CEP41: variants seen among roughly 807,000 people sequenced by gnomAD.
The protein encoded by CEP41 is centrosomal protein 41, also known as centrosomal protein of 41 kDa.
CEP41 carries 32 observed loss-of-function variants against 44.3 expected under a neutral mutation model. The observed-to-expected ratio is 0.72, with a 90% CI of 0.54 to 0.97. The LOEUF is 0.97. Ranked by LOEUF, CEP41 falls within the 50% of genes least tolerant of loss-of-function variation. The pLI is 0.00. For missense variants in CEP41, 432 were observed against 455.2 expected, an observed-to-expected ratio of 0.95 and a Z score of 0.46; for synonymous variants, 151 against 168.5, an observed-to-expected ratio of 0.90 and a Z score of 0.80.
intron 5 of CEP41, among the ~76,000 whole-genome samples, chr7:130,409,142 G>C (rs892231677): frequency 1.3e-5 from 2 of 152,162 alleles, no homozygotes; most frequent in African/African-American, 2.4e-5. Context: ...CATTATAAAA[G>C]GAGATTTTTA....
intron 3 of CEP41, among the ~76,000 whole-genome samples, chr7:130,415,674 A>G (rs1211716028): frequency 1.3e-5 from 2 of 152,228 alleles, no homozygotes; most frequent in Non-Finnish European, 2.9e-5. Flanking sequence ...TAGTGAGGAC[A>G]TGTGAACTCA....
intron 1 of CEP41, among the ~76,000 whole-genome samples, chr7:130,432,113 T>C (rs1042433023): frequency 5.3e-5 from 8 of 151,944 alleles, no homozygotes; most frequent in African/African-American, 4.8e-5. Flanking sequence ...CTGAAGAAGT[T>C]TGAAGGAGGA....
chr7:130,403,745 A>C (rs2117570094), intron 6 of CEP41, among the ~76,000 whole-genome samples: 1 of 152,344 alleles, frequency 6.6e-6, no homozygotes, highest in Admixed American at 6.5e-5. Context: ...TGTTGAACCA[A>C]AGGAGAAGAA....
At chr7:130,417,230 T>A in intron 2 of CEP41, 2 of 1,270,760 alleles carry the variant, frequency 1.6e-6, no homozygotes, top group Non-Finnish European at 2.0e-6. Context: ...TTCCAGGAGA[T>A]ACAGATGATC....
In CEP41 at chr7:130,427,374, G is replaced by A. The variant is rs576971214; in HGVS notation, c.97+581C>T. On this transcript the variant is annotated intron_variant, in intron 2 of 10. Transcript: ENST00000223208. ...CAACACTGAAAAATGGGAACAGCGT[G>A]GAAATAAGCAGTTCATTTTACCTGC... Among the ~76,000 whole-genome samples, 65 of 152,202 alleles carry A rather than the reference G, an allele frequency of 4.3e-4. 3 individuals carry two copies. The South Asian group carries it at 0.013, about 30-fold the overall frequency.
chr7:130,419,977 G>A (rs1797454028), intron 2 of CEP41: 1 of 985,054 alleles, frequency 1.0e-6, no homozygotes. Flanking sequence ...ACACACGTAT[G>A]AATAATCTTT....
chr7:130,412,256 A>C lies in CEP41; in HGVS notation c.146-16T>G. 1 of 1,288,062 alleles carries C rather than the reference A, an allele frequency of 7.8e-7. No homozygotes were observed. The highest frequency in any genetic ancestry group is 1.1e-6 in the Non-Finnish European group (1 of 883,184). The allele number at this position is 1,288,062 out of a possible 1,614,324, so 79.8% of individuals were successfully genotyped here. On this transcript the variant is annotated splice_polypyrimidine_tract_variant and intron_variant, in intron 3 of 10. Transcript: ENST00000223208. ...TATCTATAATCTGAAAAATATGGTA[A>C]GACAAGTATTTATCTATTTTGCTTT...
intron 3 of CEP41, among the ~76,000 whole-genome samples, chr7:130,413,211 G>T (rs1370445570): frequency 6.6e-6 from 1 of 151,926 alleles, no homozygotes; most frequent in African/African-American, 2.4e-5. Flanking sequence ...GGCTGGTTTC[G>T]AGCTCCTGGC....
intron 3 of CEP41, among the ~76,000 whole-genome samples, chr7:130,414,177 A>C (rs999542339): frequency 6.6e-6 from 1 of 152,240 alleles, no homozygotes; most frequent in Non-Finnish European, 1.5e-5. Context: ...CTGTTCTAAA[A>C]TGTCTTAAAG....
In CEP41 at chr7:130,402,772, A is replaced by T; in HGVS notation, c.450T>A (p.Asp150Glu). The T allele has an allele frequency of 6.2e-7, 1 of 1,614,138 alleles. No homozygotes were observed. The highest frequency in any genetic ancestry group is 1.1e-5 in the South Asian group (1 of 91,074). Residue 150 changes from aspartate to glutamate, a missense_variant, in exon 7 of 11, where the codon GAT (aspartate) becomes GAA (glutamate). Asp to Glu is a conservative substitution (Grantham distance 45). Coordinates refer to ENST00000223208, the MANE Select transcript of CEP41 (RefSeq NM_018718.3). ...CTTTCTTCACTGGCCCTTTGTCTAG[A>T]TCCAGTTCCCCAACACCACTGATGA... is the stretch of plus-strand genomic sequence containing the variant. ...QSVISGVGEL[D>E]LDKGPVKKAE...
chr7:130,416,631 T>C (rs1450916162), intron 3 of CEP41, among the ~76,000 whole-genome samples: 1 of 152,146 alleles, frequency 6.6e-6, no homozygotes, highest in Non-Finnish European at 1.5e-5. Context: ...ACAATGACAC[T>C]AGAAGCTTAA....
At chr7:130,400,327 G>T (rs781860441) in intron 9 of CEP41, 73 bp from the exon 10 acceptor site, 5 of 1,010,526 alleles carry the variant, frequency 4.9e-6, no homozygotes, top group Middle Eastern at 2.6e-4. Context: ...AAAGAAGCCT[G>T]CATGTCTTCT....
Position 130,420,843 on chromosome 7 carries a change from A to T in CEP41, c.98-3877T>A, listed in dbSNP as rs117885717. 2.1e-4 allele frequency: 173 copies of T among 833,086 alleles called. 1 individual carries two copies. In the East Asian group the frequency reaches 0.019, roughly 92 times the overall value. The allele number at this position is 833,086 out of a possible 1,614,324, so 51.6% of individuals were successfully genotyped here. A position where few individuals can be genotyped will look rare whatever the true frequency, so the allele number is the denominator to read the frequency against. ...TGAAATTTACTATGGAGATCTACTA[A>T]CTGAAAAATCCTTATAATGAGTTAT... On this transcript the variant is annotated intron_variant, in intron 2 of 10. Transcript: ENST00000223208.
intron 1 of CEP41, among the ~76,000 whole-genome samples, chr7:130,432,560 T>C (rs1279909730): frequency 8.3e-6 from 1 of 120,888 alleles, no homozygotes; most frequent in Non-Finnish European, 1.6e-5. Context: ...AAGACCAGCC[T>C]GGGCAACACA....
intron 1 of CEP41, among the ~76,000 whole-genome samples, chr7:130,433,925 C>T (rs1165873308): frequency 6.6e-6 from 1 of 152,172 alleles, no homozygotes; most frequent in Non-Finnish European, 1.5e-5. Flanking sequence ...ACGTGGGCAG[C>T]ACGGACATGG....
intron 2 of CEP41, among the ~76,000 whole-genome samples, chr7:130,418,263 A>G (rs782323166): frequency 3.3e-5 from 5 of 152,178 alleles, no homozygotes; most frequent in Non-Finnish European, 5.9e-5. Flanking sequence ...ACCTCTTAGA[A>G]GAGGCCCAAA....
intron 3 of CEP41, among the ~76,000 whole-genome samples, chr7:130,413,867 T>C (rs1337169290): frequency 6.6e-6 from 1 of 152,174 alleles, no homozygotes; most frequent in African/African-American, 2.4e-5. Context: ...CTCACCTAGG[T>C]TTTTATATTG....
intron 10 of CEP41, 166 bp downstream of exon 10, chr7:130,399,873 C>T (rs1369879810): frequency 1.5e-6 from 1 of 647,656 alleles, no homozygotes; most frequent in Non-Finnish European, 2.8e-6. Context: ...ATGCGTAATT[C>T]TTGCCACTAT....
upstream of CEP41, chr7:130,441,019 C>T (rs1554427593): frequency 2.5e-6 from 4 of 1,587,852 alleles, no homozygotes; most frequent in East Asian, 4.5e-5. Flanking sequence ...TTGCCTCTAA[C>T]CCTAGCTTCC....
Sources: allele counts gnomAD v4.1 joint callset (sites outside exome capture counted in the v4.1 genomes callset), GRCh38; gene constraint gnomAD v4.1.1; transcripts MANE v1.5; gene names NCBI Gene and HGNC (gene_info 2026-07-23, HGNC 2026-07-21).